MPPED1: variants seen among roughly 807,000 people sequenced by gnomAD.
MPPED1 encodes metallophosphoesterase domain containing 1.
Under a neutral mutation model 36.2 loss-of-function variants are expected in MPPED1, and 16 were observed. That is an observed-to-expected ratio of 0.44 (90% CI 0.30 to 0.67). MPPED1 has a LOEUF of 0.67. Among genes scored for constraint, MPPED1 ranks in the 30% least tolerant of loss-of-function variants. MPPED1 has a pLI of 0.10. For synonymous variants in MPPED1, 199 were observed against 191.3 expected, an observed-to-expected ratio of 1.04 and a Z score of -0.33; for missense variants, 307 against 453.4, an observed-to-expected ratio of 0.68 and a Z score of 2.93.
chr22:43,446,153 G>C (rs997705283), intron 3 of MPPED1, among the ~76,000 whole-genome samples: 15 of 152,246 alleles, frequency 9.9e-5, no homozygotes, highest in African/African-American at 3.4e-4. Context: ...TTACAGGCAT[G>C]AGTCACTGCA....
intron 3 of MPPED1, among the ~76,000 whole-genome samples, chr22:43,449,475 A>C (rs1386986233): frequency 1.6e-5 from 2 of 122,574 alleles, no homozygotes; most frequent in African/African-American, 6.1e-5. Context: ...TGGCTAAGTC[A>C]AGGAATGCAC....
At chr22:43,465,461 T>C (rs2146873776) in intron 3 of MPPED1, among the ~76,000 whole-genome samples, 1 of 152,350 alleles carries the variant, frequency 6.6e-6, no homozygotes, top group Admixed American at 6.5e-5. Context: ...CCTCATGGAT[T>C]CAGTGGCTGT....
chr22:43,485,196 A>G (rs1426646464), intron 4 of MPPED1, among the ~76,000 whole-genome samples: 2 of 151,942 alleles, frequency 1.3e-5, no homozygotes, highest in Non-Finnish European at 2.9e-5. Context: ...ACACATACCT[A>G]TACACCTACA....
Position 43,498,359 on chromosome 22 carries a change from C to G in MPPED1, c.748+9C>G. Reference sequence around the variant, plus strand: ...CCATGGACCACCACTGGGTAAGGCTCTGCTGGCCTGGCCCTCCAGCTCGCC... The same window carrying G: ...CCATGGACCACCACTGGGTAAGGCTGTGCTGGCCTGGCCCTCCAGCTCGCC... On this transcript the variant is annotated intron_variant, in intron 5 of 6. Transcript: ENST00000443721. 6.5e-7 allele frequency: 1 copy of G among 1,529,736 alleles called. No homozygotes were observed. The allele number at this position is 1,529,736 out of a possible 1,614,324, so 94.8% of individuals were successfully genotyped here. A position where few individuals can be genotyped will look rare whatever the true frequency, so the allele number is the denominator to read the frequency against.
chr22:43,422,573 G>T (rs1291348082), intron 1 of MPPED1, among the ~76,000 whole-genome samples: 1 of 152,144 alleles, frequency 6.6e-6, no homozygotes, highest in Admixed American at 6.5e-5. Context: ...AAATATTTGA[G>T]TTCTCCAGGG....
intron 3 of MPPED1, among the ~76,000 whole-genome samples, chr22:43,459,204 A>T (rs547231054): frequency 6.6e-6 from 1 of 152,224 alleles, no homozygotes; most frequent in East Asian, 1.9e-4. Context: ...CCTCCCAAGT[A>T]GCTGGGACTA....
chr22:43,440,227 G>A (rs940609926), intron 3 of MPPED1, among the ~76,000 whole-genome samples: 1 of 152,244 alleles, frequency 6.6e-6, no homozygotes, highest in Non-Finnish European at 1.5e-5. Context: ...CTTCAAGGAG[G>A]GCAGCGCTGT....
intron 4 of MPPED1, among the ~76,000 whole-genome samples, chr22:43,485,104 G>A (rs112871045): frequency 0.023 from 3,460 of 151,690 alleles, 36 homozygotes; most frequent in East Asian, 0.076. Flanking sequence ...TCACATGCAC[G>A]TTCACACATG....
intron 4 of MPPED1, among the ~76,000 whole-genome samples, chr22:43,480,770 G>T (rs1044107868): frequency 6.6e-6 from 1 of 151,010 alleles, no homozygotes; most frequent in African/African-American, 2.4e-5. Flanking sequence ...GTACCTTATT[G>T]CAGAGATCTT....
chr22:43,430,284 A>G (rs1170692529), intron 2 of MPPED1, among the ~76,000 whole-genome samples: 7 of 152,206 alleles, frequency 4.6e-5, no homozygotes, highest in Non-Finnish European at 7.3e-5. Context: ...CTTGCACAGA[A>G]CCAGTGGCTT....
intron 3 of MPPED1, among the ~76,000 whole-genome samples, chr22:43,447,855 A>AT (rs1930402023): frequency 4.2e-5 from 3 of 71,838 alleles, no homozygotes; most frequent in Non-Finnish European, 8.1e-5. Context: ...TATATATGTA[A>AT]ATATTATATA....
intron 3 of MPPED1, among the ~76,000 whole-genome samples, chr22:43,460,798 A>G (rs941153172): frequency 6.6e-6 from 1 of 152,080 alleles, no homozygotes; most frequent in Non-Finnish European, 1.5e-5. Flanking sequence ...CACTTCTTGC[A>G]TGTGCTTCAA....
intron 3 of MPPED1, among the ~76,000 whole-genome samples, chr22:43,454,087 C>A (rs1451734611): frequency 6.6e-6 from 1 of 151,774 alleles, no homozygotes; most frequent in Non-Finnish European, 1.5e-5. Flanking sequence ...AGGCTCACTG[C>A]AGCCTCTGCC....
chr22:43,426,871 C>T (rs1181167549), intron 2 of MPPED1, among the ~76,000 whole-genome samples: 3 of 152,184 alleles, frequency 2.0e-5, no homozygotes, highest in South Asian at 2.1e-4. Flanking sequence ...TTTTGGAGCC[C>T]GATTGGCGGG....
At chr22:43,478,840 C>T (rs1447371856) in intron 4 of MPPED1, among the ~76,000 whole-genome samples, 3 of 152,124 alleles carry the variant, frequency 2.0e-5, no homozygotes, top group African/African-American at 7.2e-5. Context: ...CCTGTCTGAG[C>T]CCTGGGCTTC....
intron 3 of MPPED1, among the ~76,000 whole-genome samples, chr22:43,440,254 A>G (rs1930104194): frequency 6.6e-6 from 1 of 152,230 alleles, no homozygotes; most frequent in South Asian, 2.1e-4. Context: ...GACCAGTGTG[A>G]GCCATCGCTG....
intron 3 of MPPED1, among the ~76,000 whole-genome samples, chr22:43,457,526 T>G (rs148735588): frequency 6.6e-6 from 1 of 152,158 alleles, no homozygotes; most frequent in Non-Finnish European, 1.5e-5. Flanking sequence ...ACTGACAAAG[T>G]AGGATTTATA....
chr22:43,418,460 G>T, intron 1 of MPPED1: 1 of 292,998 alleles, frequency 3.4e-6, no homozygotes, highest in East Asian at 9.5e-5. Context: ...ACATTCATCT[G>T]CTGCTGAGAT....
chr22:43,499,026 C>T (rs1932521516), intron 5 of MPPED1, among the ~76,000 whole-genome samples: 1 of 151,820 alleles, frequency 6.6e-6, no homozygotes, highest in Admixed American at 6.6e-5. Flanking sequence ...TCTCTCTCTC[C>T]CATGGTCATG....
Sources: allele counts gnomAD v4.1 joint callset (sites outside exome capture counted in the v4.1 genomes callset), GRCh38; gene constraint gnomAD v4.1.1; transcripts MANE v1.5; gene names NCBI Gene and HGNC (gene_info 2026-07-23, HGNC 2026-07-21).